Variants in MED23 observed in about 807,000 individuals in gnomAD.
The protein encoded by MED23 is mediator of RNA polymerase II transcription subunit 23.
In MED23, 105 loss-of-function variants were observed where a neutral mutation model predicts 163.9. The ratio of observed to expected loss-of-function variants is 0.64; its 90% CI spans 0.55 to 0.75. The LOEUF (loss-of-function observed/expected upper bound fraction) is 0.75. MED23 is among the 30% of genes least tolerant of loss of function. The pLI is 0.00. For synonymous variants in MED23, 561 were observed against 565.6 expected, an observed-to-expected ratio of 0.99 and a Z score of 0.12; for missense variants, 1,054 against 1,649.0, an observed-to-expected ratio of 0.64 and a Z score of 6.25.
At chr6:131,583,459 G>T (rs772473981), downstream of MED23, 22 of 1,614,096 alleles carry the variant, frequency 1.4e-5, no homozygotes, top group Non-Finnish European at 1.9e-5. Context: ...TACAGAGAAG[G>T]TCTCTACATC....
chr6:131,577,157 T>C (rs1773657657), intron 30 of MED23, among the ~76,000 whole-genome samples: 1 of 152,222 alleles, frequency 6.6e-6, no homozygotes, highest in South Asian at 2.1e-4. Flanking sequence ...GCAGTGTGTA[T>C]ATATACATAC....
chr6:131,620,991 C>T (rs1266548207), intron 6 of MED23, among the ~76,000 whole-genome samples: 2 of 152,090 alleles, frequency 1.3e-5, no homozygotes, highest in East Asian at 3.9e-4. Flanking sequence ...TTTGTAAAGA[C>T]AGGGTCTCCC....
intron 24 of MED23, 180 bp from the exon 25 acceptor site, chr6:131,592,640 G>C (rs1018033880): frequency 4.7e-6 from 3 of 632,716 alleles, no homozygotes; most frequent in East Asian, 5.5e-5. Flanking sequence ...ACTCAAGAAG[G>C]CTTTTTAAAA....
intron 9 of MED23, among the ~76,000 whole-genome samples, chr6:131,617,065 T>C (rs917970646): frequency 2.0e-5 from 3 of 150,632 alleles, no homozygotes; most frequent in Admixed American, 2.0e-4. Flanking sequence ...TGCCCATACT[T>C]AAAATATATT....
intron 21 of MED23, 52 bp from the exon 22 acceptor site, chr6:131,596,215 C>T: frequency 6.8e-7 from 1 of 1,465,968 alleles, no homozygotes. Flanking sequence ...AAAAAATTCT[C>T]TTAAAAGAGC....
At chr6:131,586,222 G>A (rs570134171), downstream of MED23, among the ~76,000 whole-genome samples, 44 of 151,998 alleles carry the variant, frequency 2.9e-4, no homozygotes, top group African/African-American at 4.1e-4. Flanking sequence ...GTGAAACCCC[G>A]TCTCTACTAA....
At chr6:131,600,583 T>C (rs753686006) in intron 17 of MED23, among the ~76,000 whole-genome samples, 2 of 152,234 alleles carry the variant, frequency 1.3e-5, no homozygotes, top group Non-Finnish European at 2.9e-5. Flanking sequence ...TTGAAGAGGG[T>C]TCTTTATGTA....
chr6:131,590,385 T>C lies in MED23; in HGVS notation c.3744A>G (p.Val1248=), dbSNP rs1339817162. The change falls in exon 27 of 29, where the codon GTA becomes GTG. Residue 1248 remains valine, a synonymous_variant. Transcript: ENST00000368068. The part of the protein sequence containing the change: ...IVKTEFQLLY[V]YHLVGPFLQR... The stretch of plus-strand genomic sequence containing the variant: ...GTAAAAATGGTCCAACAAGATGGTA[T>C]ACATAAAGCAACTGGAATTCGGTCT... The C allele has an allele frequency of 6.2e-7, 1 of 1,608,530 alleles. No homozygotes were observed. Among genetic ancestry groups the C allele is most frequent in the Non-Finnish European group, 8.5e-7 (1 of 1,175,234 alleles).
At chr6:131,592,580 A>G in intron 24 of MED23, 120 bp from the exon 25 acceptor site, 4 of 861,100 alleles carry the variant, frequency 4.6e-6, no homozygotes, top group African/African-American at 1.7e-5. Flanking sequence ...ATCCATTTCA[A>G]TAAAACAATG....
chr6:131,595,674 T>C (rs1260865112), intron 22 of MED23, among the ~76,000 whole-genome samples: 2 of 152,188 alleles, frequency 1.3e-5, no homozygotes, highest in African/African-American at 2.4e-5. Context: ...ATAAATTGGA[T>C]GCATCAAGTC....
At chr6:131,597,277 C>A (rs1325086218) in intron 20 of MED23, among the ~76,000 whole-genome samples, 1 of 151,720 alleles carries the variant, frequency 6.6e-6, no homozygotes, top group African/African-American at 2.4e-5. Context: ...GAGATTGAGC[C>A]CATCCTGGCT....
In MED23 at chr6:131,587,312, G is replaced by A; in HGVS notation, c.*367C>T. The A allele has an allele frequency of 9.3e-7, 1 of 1,079,700 alleles. No homozygotes were observed. Among genetic ancestry groups the A allele is most frequent in the African/African-American group, 1.7e-5 (1 of 60,136 alleles). 66.9% of individuals were successfully genotyped at this position (1,079,700 alleles called of 1,614,324 possible). A position where few individuals can be genotyped will look rare whatever the true frequency, so the allele number is the denominator to read the frequency against. On this transcript the variant is annotated 3_prime_UTR_variant, in exon 29 of 29. Transcript: ENST00000368068. ...GTGGTGCCTTTAAAATAATATATCT[G>A]AAGACTAAATATGTCATTAATAATA...
At chr6:131,584,053 T>C (rs1774079388), downstream of MED23, 1 of 920,152 alleles carries the variant, frequency 1.1e-6, no homozygotes, top group Admixed American at 3.1e-5. Context: ...AAATTCCCTC[T>C]TGGTGTAAAA....
intron 26 of MED23, 86 bp downstream of exon 26, chr6:131,591,227 C>G: frequency 9.8e-7 from 1 of 1,019,152 alleles, no homozygotes; most frequent in Non-Finnish European, 1.5e-6. Flanking sequence ...ATCTGCCCAC[C>G]TCGGCCTCCC....
intron 11 of MED23, among the ~76,000 whole-genome samples, chr6:131,609,727 CA>C (rs1309403408): frequency 2.1e-5 from 3 of 145,586 alleles, no homozygotes; most frequent in Admixed American, 6.9e-5. Flanking sequence ...TATATATATA[CA>C]CATACATATA....
Position 131,602,217 on chromosome 6 carries a change from C to T in MED23, c.2095+1G>A, listed in dbSNP as rs1298547666. On this transcript the variant is annotated splice_donor_variant, in intron 17 of 28. Transcript: ENST00000368068. LOFTEE classifies it high-confidence loss of function. ...TGTTTGTAGTCACATATTCACCGTA[C>T]CTGTTACATGAGTTGCTCTAGCCAA... 1 of 1,613,650 alleles carries T rather than the reference C, an allele frequency of 6.2e-7. No homozygotes were observed.
chr6:131,621,330 A>G (rs1244364877), intron 6 of MED23, among the ~76,000 whole-genome samples: 1 of 152,006 alleles, frequency 6.6e-6, no homozygotes, highest in Non-Finnish European at 1.5e-5. Flanking sequence ...TTATAAAAAA[A>G]TAAGTATATA....
intron 10 of MED23, among the ~76,000 whole-genome samples, chr6:131,614,742 A>G (rs558635903): frequency 6.6e-6 from 1 of 152,302 alleles, no homozygotes; most frequent in South Asian, 2.1e-4. Context: ...TTTCCAAAAA[A>G]GCCTTTCCTG....
At chr6:131,576,793 G>C in intron 30 of MED23, 1 of 1,466,696 alleles carries the variant, frequency 6.8e-7, no homozygotes, top group Non-Finnish European at 9.5e-7. Context: ...GAAGGAAAGA[G>C]CAGGCCCCTG....
Sources: allele counts gnomAD v4.1 joint callset (sites outside exome capture counted in the v4.1 genomes callset), GRCh38; gene constraint gnomAD v4.1.1; transcripts MANE v1.5; gene names NCBI Gene and HGNC (gene_info 2026-07-23, HGNC 2026-07-21).